Variants in MYCBPAP observed in about 807,000 individuals in gnomAD.
MYCBPAP encodes MYCBP associated protein, also known as MYCBP-associated protein.
Under a neutral mutation model 106.1 loss-of-function variants are expected in MYCBPAP, and 60 were observed. The ratio of observed to expected loss-of-function variants is 0.57; its 90% confidence interval spans 0.46 to 0.70. The LOEUF (loss-of-function observed/expected upper bound fraction) is 0.70. Ranked by LOEUF, MYCBPAP falls within the 30% of genes least tolerant of loss-of-function variation. The pLI, the probability that MYCBPAP is intolerant of heterozygous loss-of-function variation, is 0.00. For missense variants in MYCBPAP, 1,064 were observed against 1,169.3 expected (o/e 0.91, Z 1.31); for synonymous variants, 407 against 440.6 (o/e 0.92, Z 0.95).
intron 15 of MYCBPAP, among the ~76,000 whole-genome samples, chr17:50,527,805 A>G (rs1313841526): frequency 6.6e-6 from 1 of 152,164 alleles, no homozygotes; most frequent in Non-Finnish European, 1.5e-5. Flanking sequence ...CCCTCAGGAC[A>G]AGCCCCAGGA....
At position 50,517,662 on chromosome 17, in the gene MYCBPAP, T is replaced by A. The variant is rs368008516; in HGVS notation, c.432T>A (p.Asp144Glu). The A allele has an allele frequency of 3.3e-5, 53 of 1,614,062 alleles. No individual in the cohort carries two copies. Among genetic ancestry groups the A allele is most frequent in the Non-Finnish European group, 4.3e-5 (51 of 1,180,050 alleles). Reference sequence around the variant, plus strand: ...ACCACATCTTGGGGAGTCTCCAGGATTTTAAGAGAATTGCACTTGCTCGAG... The same window carrying A: ...ACCACATCTTGGGGAGTCTCCAGGAATTTAAGAGAATTGCACTTGCTCGAG... ...LPHHILGSLQ[D>E]FKRIALARGN... is the part of the protein sequence containing the mutation. The change falls in exon 4 of 19, where the codon GAT becomes GAA. Residue 144 changes from aspartate (D) to glutamate (E), a missense_variant. Asp to Glu is a conservative substitution (Grantham distance 45). Coordinates refer to ENST00000323776, the MANE Select transcript of MYCBPAP (RefSeq NM_032133.6).
chr17:50,517,045 T>C (rs1004571957), intron 2 of MYCBPAP, among the ~76,000 whole-genome samples: 43 of 152,174 alleles, frequency 2.8e-4, no homozygotes, highest in African/African-American at 1.0e-3. Flanking sequence ...ATGCTTTACC[T>C]GGGAGAGTCA....
chr17:50,516,030 C>T (rs2034038089), intron 1 of MYCBPAP: 1 of 153,150 alleles, frequency 6.5e-6, no homozygotes, highest in Non-Finnish European at 1.5e-5. Context: ...CACTCTGTTG[C>T]CCAGGTTAGA....
At chr17:50,522,378 A>G (rs1237770162) in intron 10 of MYCBPAP, 3 of 262,824 alleles carry the variant, frequency 1.1e-5, no homozygotes, top group Non-Finnish European at 2.3e-5. Flanking sequence ...GCTAAGGAAT[A>G]GAAGTGTTCA....
rs189075227 is a variant in MYCBPAP, at chr17:50,521,364, G to A, written c.1081G>A (p.Val361Ile). The change falls in exon 9 of 19, where the codon GTT (valine) becomes ATT (isoleucine). Residue 361 changes from valine (V) to isoleucine (I), a missense_variant. Coordinates refer to ENST00000323776, the MANE Select transcript of MYCBPAP (RefSeq NM_032133.6). ...VVGKGWPFSA[V>I]TVEDYTVFER... is the part of the protein sequence containing the mutation. ...GGGCAAAGGGTGGCCCTTCTCGGCT[G>A]TTACTGTGGAAGACTACACAGTGTT... 1.9e-5 allele frequency: 31 copies of A among 1,606,466 alleles called. No individual in the cohort carries two copies. In the East Asian group the frequency reaches 6.7e-4, roughly 35 times the overall value.
chr17:50,528,788 T>C lies in MYCBPAP; in HGVS notation c.2501T>C (p.Leu834Pro), dbSNP rs756556893. 4 of 1,613,330 alleles carry C rather than the reference T, an allele frequency of 2.5e-6. No individual in the cohort carries two copies. The highest frequency in any genetic ancestry group is 2.7e-5 in the African/African-American group (2 of 74,634). The change falls in exon 17 of 19, where the codon CTG becomes CCG. Residue 834 changes from leucine to proline, a missense_variant. Leu to Pro is a moderately conservative substitution (Grantham distance 98). Transcript: ENST00000323776. ...RKGAAQEKKQ[L>P]GIKDKEDKKG... ...GGAGCAGCCCAGGAAAAGAAGCAAC[T>C]GGGGATCAAAGACAAAGAAGACAAG...
Position 50,522,726 on chromosome 17 carries a change from T to TATATA in MYCBPAP, c.1258-213_1258-212insATATA, listed in dbSNP as rs56247158. On this transcript the variant is annotated intron_variant, in intron 10 of 18. Coordinates refer to ENST00000323776, the MANE Select transcript of MYCBPAP (RefSeq NM_032133.6). ...AAAAAAAAAATATATATATATATAT[T>TATATA]TGTTTTATCTTCTCTTCTTGCTATT... is the stretch of plus-strand genomic sequence containing the variant. The TATATA allele has an allele frequency of 2.1e-3, 135 of 65,134 alleles. 10 individuals carry two copies. Among genetic ancestry groups the TATATA allele is most frequent in the Admixed American group, 4.0e-3 (25 of 6,242 alleles). The allele number at this position is 65,134 out of a possible 1,614,324, so 4.0% of individuals were successfully genotyped here.
At chr17:50,531,275 AG>A (rs2034633313) in intron 18 of MYCBPAP, 51 bp from the exon 19 acceptor site, 1 of 1,233,906 alleles carries the variant, frequency 8.1e-7, no homozygotes, top group Admixed American at 2.2e-5. Flanking sequence ...GTTCATATAT[AG>A]GTGCTTCCCA....
intron 1 of MYCBPAP, chr17:50,510,499 G>GTGTGTGTATATATATATATATA (rs1418345705): frequency 1.3e-5 from 1 of 76,414 alleles, no homozygotes; most frequent in African/African-American, 4.6e-5. Context: ...GTGTGTGTGT[G>GTGTGTGTATATATATATATATA]TATATATATA....
chr17:50,520,802 A>G (rs1301134665), intron 7 of MYCBPAP, among the ~76,000 whole-genome samples: 1 of 152,190 alleles, frequency 6.6e-6, no homozygotes, highest in African/African-American at 2.4e-5. Context: ...ATAGGGCTAA[A>G]TGAGATATGA....
At position 50,528,701 on chromosome 17, in the gene MYCBPAP, A is replaced by G. The variant is rs2034536155; in HGVS notation, c.2414A>G (p.Lys805Arg). ...YLNVPEEQDQ[K>R]SPPIMEVKVP... ...TTCCACCCACCTCCCTTAGATCAAA[A>G]ATCACCTCCTATCATGGAAGTGAAG... The change falls in exon 17 of 19, where the codon AAA (lysine) becomes AGA (arginine). Residue 805 changes from lysine to arginine, a missense_variant. Transcript: ENST00000323776. The G allele has an allele frequency of 3.1e-6, 5 of 1,613,678 alleles. No individual in the cohort carries two copies. The highest frequency in any genetic ancestry group is 3.4e-6 in the Non-Finnish European group (4 of 1,179,820).
chr17:50,524,752 G>A, intron 12 of MYCBPAP, 125 bp from the exon 13 acceptor site: 3 of 889,664 alleles, frequency 3.4e-6, no homozygotes, highest in Non-Finnish European at 3.5e-6. Flanking sequence ...GAGAGAGAGA[G>A]AGAGAGACAA....
rs201230846 is a variant in MYCBPAP, at chr17:50,522,005, T to C, written c.1181T>C (p.Met394Thr). 3.1e-6 allele frequency: 5 copies of C among 1,613,842 alleles called. No individual in the cohort carries two copies. In the East Asian group the frequency reaches 8.9e-5, roughly 29 times the overall value. Reference sequence around the variant, plus strand: ...TTGGCCAGTTCCTCTGATGTCTCCATGCCTATTCTCGGCCCTTCTCTGCTG... The same window carrying C: ...TTGGCCAGTTCCTCTGATGTCTCCACGCCTATTCTCGGCCCTTCTCTGCTG... ...GTLASSSDVSMPILGPSLLFC... is the reference protein window; with the variant it reads ...GTLASSSDVSTPILGPSLLFC... The change falls in exon 10 of 19, where the codon ATG (methionine) becomes ACG (threonine). Residue 394 changes from methionine to threonine, a missense_variant. Physicochemically the swap from Met to Thr is moderately conservative, Grantham distance 81 (BLOSUM62 -1). Transcript: ENST00000323776.
chr17:50,517,544 G>C, intron 3 of MYCBPAP, 51 bp from the exon 4 acceptor site: 2 of 1,613,652 alleles, frequency 1.2e-6, no homozygotes, highest in Non-Finnish European at 1.7e-6. Flanking sequence ...TTGCCCTCTT[G>C]AAAGTTGTCC....
At chr17:50,518,912 CT>C in intron 5 of MYCBPAP, 61 bp from the exon 6 acceptor site, 1 of 1,526,440 alleles carries the variant, frequency 6.6e-7, no homozygotes, top group Non-Finnish European at 9.1e-7. Context: ...CCGATGCAGA[CT>C]GCCAAGGCCC....
chr17:50,508,635 C>T lies in MYCBPAP; in HGVS notation c.-40C>T, dbSNP rs1236390119. On this transcript the variant is annotated 5_prime_UTR_variant, in exon 1 of 19. Transcript: ENST00000323776. Reference sequence around the variant, plus strand: ...CGGCGCAGCCTCGGTGTCTCTGGGCCGGCGGTGCAGGGCAACGTTTCATGG... The same window carrying T: ...CGGCGCAGCCTCGGTGTCTCTGGGCTGGCGGTGCAGGGCAACGTTTCATGG... 2 of 1,578,882 alleles carry T rather than the reference C, an allele frequency of 1.3e-6. No homozygotes were observed. Among genetic ancestry groups the T allele is most frequent in the South Asian group, 2.3e-5 (2 of 88,072 alleles).
At position 50,526,630 on chromosome 17, in the gene MYCBPAP, T is replaced by C. The variant is rs143547164; in HGVS notation, c.2169+363T>C. On this transcript the variant is annotated intron_variant, in intron 14 of 18. Transcript: ENST00000323776. ...TGGAATCTTGCTGTGTTGCCCAGGC[T>C]GGAGTGCAGTGGTGCAATTTTGGCT... Among the ~76,000 whole-genome samples the C allele has an allele frequency of 5.2e-3, 792 of 151,960 alleles. 10 individuals carry two copies. Among genetic ancestry groups the C allele is most frequent in the African/African-American group, 0.018 (737 of 41,414 alleles).
intron 1 of MYCBPAP, 143 bp from the exon 2 acceptor site, chr17:50,516,427 A>T: frequency 7.9e-6 from 8 of 1,017,186 alleles, no homozygotes; most frequent in Non-Finnish European, 1.1e-5. Flanking sequence ...CCACCTTGGC[A>T]GCCTCTGCTA....
At chr17:50,520,958 G>A in intron 7 of MYCBPAP, 152 bp from the exon 8 acceptor site, 2 of 633,200 alleles carry the variant, frequency 3.2e-6, no homozygotes, top group Non-Finnish European at 5.6e-6. Flanking sequence ...GTATAGGACA[G>A]GAGAACGGGA....
Sources: allele counts gnomAD v4.1 joint callset (sites outside exome capture counted in the v4.1 genomes callset), GRCh38; gene constraint gnomAD v4.1.1; transcripts MANE v1.5; gene names NCBI Gene and HGNC (gene_info 2026-07-23, HGNC 2026-07-21).